KLF3: variants seen among roughly 807,000 people sequenced by gnomAD.
The protein encoded by KLF3 is KLF transcription factor 3.
In KLF3, 6 loss-of-function variants were observed where a neutral mutation model predicts 32.7. That is an observed-to-expected ratio of 0.18 (90% CI 0.10 to 0.36). The LOEUF (loss-of-function observed/expected upper bound fraction) is 0.36. Ranked by LOEUF, KLF3 falls within the 10% of genes least tolerant of loss-of-function variation. KLF3 has a pLI of 1.00. For synonymous variants in KLF3, 145 were observed against 172.8 expected, an observed-to-expected ratio of 0.84 and a Z score of 1.26; for missense variants, 338 against 449.7, an observed-to-expected ratio of 0.75 and a Z score of 2.25.
At chr4:38,690,310 A>G (rs1722837987) in intron 4 of KLF3, 1 of 156,462 alleles carries the variant, frequency 6.4e-6, no homozygotes, top group Non-Finnish European at 1.4e-5. Flanking sequence ...ATTGCTATCC[A>G]GTAGGAAGGC....
chr4:38,677,941 A>G (rs1292835316), intron 1 of KLF3, among the ~76,000 whole-genome samples: 1 of 151,694 alleles, frequency 6.6e-6, no homozygotes, highest in East Asian at 1.9e-4. Context: ...ATAGACCTAA[A>G]TCCTTGAGAA....
Position 38,688,639 on chromosome 4 carries a change from T to C in KLF3, c.112T>C (p.Tyr38His). 6.2e-7 allele frequency: 1 copy of C among 1,614,030 alleles called. No individual in the cohort carries two copies. Among genetic ancestry groups the C allele is most frequent in the Non-Finnish European group, 8.5e-7 (1 of 1,179,882 alleles). Residue 38 changes from tyrosine (Y) to histidine (H), a missense_variant, in exon 3 of 6, where the codon TAC (tyrosine) becomes CAC (histidine). This residue lies in a region of KLF3 where 272 missense variants were observed against 313.4 expected (regional missense o/e 0.87). Transcript: ENST00000261438. This position sits in a 1 kb window ranked among gnomAD's most constrained non-coding sequence, Gnocchi z 4.9. ...GAAGCCTAACAAGTATGGGGTCATC[T>C]ACTCCACACCATTGCCTGAGAAGTT... ...SMKPNKYGVI[Y>H]STPLPEKFFQ...
At chr4:38,681,531 G>A (rs1722525297) in intron 2 of KLF3, among the ~76,000 whole-genome samples, 1 of 152,232 alleles carries the variant, frequency 6.6e-6, no homozygotes, top group South Asian at 2.1e-4. Flanking sequence ...GCCACTGGCT[G>A]CTTTTAGGCC....
intron 1 of KLF3, among the ~76,000 whole-genome samples, chr4:38,675,650 C>T (rs952052934): frequency 6.6e-6 from 1 of 151,716 alleles, no homozygotes; most frequent in African/African-American, 2.4e-5. Flanking sequence ...TTTAAAGACC[C>T]CGAGGTTGGC....
intron 2 of KLF3, among the ~76,000 whole-genome samples, chr4:38,682,623 T>A (rs541638293): frequency 6.6e-6 from 1 of 152,214 alleles, no homozygotes; most frequent in East Asian, 1.9e-4. Context: ...CTCAAGAGTC[T>A]AATATAAAGC....
chr4:38,694,843 G>C lies in KLF3; in HGVS notation c.793G>C (p.Asp265His). 6.2e-7 allele frequency: 1 copy of C among 1,609,310 alleles called. No individual in the cohort carries two copies. Among genetic ancestry groups the C allele is most frequent in the South Asian group, 1.1e-5 (1 of 90,084 alleles). The stretch of plus-strand genomic sequence containing the variant: ...GCGGAGGATACACAGATGTGATTAT[G>C]ATGGATGCAACAAAGTGTACACTAA... ...RKRRIHRCDYDGCNKVYTKSS... is the reference protein window; with the variant it reads ...RKRRIHRCDYHGCNKVYTKSS... Residue 265 changes from aspartate (D) to histidine (H), a missense_variant, in exon 5 of 6, where the codon GAT becomes CAT. Asp to His is a moderately conservative substitution (Grantham distance 81, BLOSUM62 -1). Transcript: ENST00000261438.
intron 1 of KLF3, among the ~76,000 whole-genome samples, chr4:38,678,963 C>A (rs1722438221): frequency 6.6e-6 from 1 of 152,178 alleles, no homozygotes; most frequent in East Asian, 1.9e-4. Flanking sequence ...ACTGAGGAGA[C>A]ACATTTGAAC....
intron 2 of KLF3, among the ~76,000 whole-genome samples, chr4:38,681,253 A>C (rs780266792): frequency 2.6e-4 from 40 of 152,150 alleles, no homozygotes; most frequent in Non-Finnish European, 5.1e-4. Flanking sequence ...CCACAGGTGA[A>C]TCCTCTCATG....
chr4:38,675,192 G>C (rs146417771), intron 1 of KLF3, among the ~76,000 whole-genome samples: 134 of 152,364 alleles, frequency 8.8e-4, no homozygotes, highest in African/African-American at 3.2e-3. Context: ...CAGGTGGAAA[G>C]AGCATGAAGG....
chr4:38,688,852 C>A lies in KLF3; in HGVS notation c.325C>A (p.Pro109Thr), dbSNP rs371074043. 6.2e-7 allele frequency: 1 copy of A among 1,614,244 alleles called. No individual in the cohort carries two copies. The change falls in exon 3 of 6, where the codon CCC becomes ACC. Residue 109 changes from proline (P) to threonine (T), a missense_variant. Physicochemically the swap from Pro to Thr is conservative, Grantham distance 38. Coordinates refer to ENST00000261438, the MANE Select transcript of KLF3 (RefSeq NM_016531.6). This position sits in a 1 kb window ranked among gnomAD's most constrained non-coding sequence, Gnocchi z 4.9. ...CAGCCCACCGATAAAAAAATACTCACCCCCTTCTCCAGGCGTGCAGCCCTT... is the reference window on the plus strand; with the variant it reads ...CAGCCCACCGATAAAAAAATACTCAACCCCTTCTCCAGGCGTGCAGCCCTT... ...SSSPPIKKYS[P>T]PSPGVQPFGV... is the part of the protein sequence containing the mutation.
At chr4:38,682,714 T>A (rs549917679) in intron 2 of KLF3, among the ~76,000 whole-genome samples, 5 of 151,654 alleles carry the variant, frequency 3.3e-5, no homozygotes, top group East Asian at 3.9e-4. Context: ...AAAAAAAAAA[T>A]GTGGAATAAA....
chr4:38,677,878 AGTGT>A (rs56675939), intron 1 of KLF3, among the ~76,000 whole-genome samples: 21,696 of 146,228 alleles, frequency 0.15, 1,964 homozygotes, highest in Non-Finnish European at 0.22. Context: ...GGGCAAAAGG[AGTGT>A]GTGTGTGTGT....
intron 1 of KLF3, among the ~76,000 whole-genome samples, chr4:38,676,880 A>G (rs2109242361): frequency 6.6e-6 from 1 of 152,030 alleles, no homozygotes; most frequent in Admixed American, 6.5e-5. Flanking sequence ...ACTTTGAGGT[A>G]CATTTCTGGG....
intron 1 of KLF3, among the ~76,000 whole-genome samples, chr4:38,668,083 T>C (rs1328291302): frequency 6.6e-6 from 1 of 152,228 alleles, no homozygotes; most frequent in Non-Finnish European, 1.5e-5. Flanking sequence ...TAATGCTAGA[T>C]TGTTTGGAAA....
chr4:38,695,552 T>G (rs1723024340), intron 5 of KLF3, among the ~76,000 whole-genome samples: 1 of 152,170 alleles, frequency 6.6e-6, no homozygotes, highest in Non-Finnish European at 1.5e-5. Context: ...ATTTTGGTAG[T>G]AAAACATCTT....
At chr4:38,669,253 A>C (rs1406869229) in intron 1 of KLF3, among the ~76,000 whole-genome samples, 1 of 152,206 alleles carries the variant, frequency 6.6e-6, no homozygotes, top group East Asian at 1.9e-4. Context: ...AGAATCTTAA[A>C]ACAATTGATA....
chr4:38,696,495 G>C (rs905923251), intron 5 of KLF3, among the ~76,000 whole-genome samples: 3 of 152,076 alleles, frequency 2.0e-5, no homozygotes, highest in Non-Finnish European at 4.4e-5. Flanking sequence ...CTACAGGAGG[G>C]GGTTGTGAAA....
chr4:38,688,884 G>A lies in KLF3; in HGVS notation c.357G>A (p.Val119=), dbSNP rs1463257478. 6.2e-7 allele frequency: 1 copy of A among 1,614,112 alleles called. No individual in the cohort carries two copies. The highest frequency in any genetic ancestry group is 1.3e-5 in the African/African-American group (1 of 74,940). ...CTCCAGGCGTGCAGCCCTTCGGCGT[G>A]CCGCTGTCCATGCCACCAGTGATGG... ...PPSPGVQPFG[V]PLSMPPVMAA... The change falls in exon 3 of 6, where the codon GTG becomes GTA. Residue 119 remains valine (V), a synonymous_variant. Coordinates refer to ENST00000261438, the MANE Select transcript of KLF3 (RefSeq NM_016531.6). This position sits in a 1 kb window ranked among gnomAD's most constrained non-coding sequence, Gnocchi z 4.9.
intron 4 of KLF3, among the ~76,000 whole-genome samples, chr4:38,693,361 A>G (rs1474698968): frequency 6.6e-6 from 1 of 150,876 alleles, no homozygotes; most frequent in Admixed American, 6.6e-5. Flanking sequence ...AAAAAAAAAA[A>G]GCATGAGAAG....
Sources: allele counts gnomAD v4.1 joint callset (sites outside exome capture counted in the v4.1 genomes callset), GRCh38; gene constraint gnomAD v4.1.1; regional missense constraint gnomAD v4.1.1; non-coding constraint Gnocchi (gnomAD v3.1); transcripts MANE v1.5; gene names NCBI Gene and HGNC (gene_info 2026-07-23, HGNC 2026-07-21).